A1CF: variants seen among roughly 807,000 people sequenced by gnomAD.
The protein encoded by A1CF is APOBEC-1 stimulating protein.
A neutral mutation model predicts 68.9 loss-of-function variants in A1CF; 48 were observed. The observed-to-expected ratio is 0.70, with a 90% CI of 0.55 to 0.89. The LOEUF is 0.89. Among genes scored for constraint, A1CF ranks in the 40% least tolerant of loss-of-function variants. The pLI, the probability that A1CF is intolerant of heterozygous loss-of-function variation, is 0.00. For missense variants in A1CF, 653 were observed against 718.9 expected (o/e 0.91, Z 1.05); for synonymous variants, 272 against 260.4 (o/e 1.04, Z -0.43).
Position 50,820,533 on chromosome 10 carries a change from T to A in A1CF, c.867+19A>T. 6.2e-7 allele frequency: 1 copy of A among 1,608,994 alleles called. No homozygotes were observed. The highest frequency in any genetic ancestry group is 8.5e-7 in the Non-Finnish European group (1 of 1,176,934). Reference sequence around the variant, plus strand: ...AACTTGGATGTAATCTGCATATTTTTTTCTTTCTTCTACCTTACCTTGCCA... The same window carrying A: ...AACTTGGATGTAATCTGCATATTTTATTCTTTCTTCTACCTTACCTTGCCA... On this transcript the variant is annotated intron_variant, in intron 8 of 12. Coordinates refer to ENST00000373997, the MANE Select transcript of A1CF (RefSeq NM_014576.4).
At chr10:50,865,277 ACTG>A (rs1014766788) in intron 1 of A1CF, among the ~76,000 whole-genome samples, 2 of 149,726 alleles carry the variant, frequency 1.3e-5, no homozygotes, top group Admixed American at 6.7e-5. Context: ...TCCTACTACT[ACTG>A]CTGCTGCTGC....
chr10:50,846,182 T>G (rs1231105911), intron 3 of A1CF, among the ~76,000 whole-genome samples: 1 of 152,190 alleles, frequency 6.6e-6, no homozygotes, highest in Non-Finnish European at 1.5e-5. Context: ...GTGATGGGTA[T>G]ACGAAATCGT....
intron 3 of A1CF, among the ~76,000 whole-genome samples, chr10:50,850,108 T>C (rs571033178): frequency 1.3e-5 from 2 of 152,346 alleles, no homozygotes; most frequent in East Asian, 3.9e-4. Context: ...CTTTCATTTA[T>C]TGGTTTCACT....
intron 3 of A1CF, among the ~76,000 whole-genome samples, chr10:50,854,926 C>A (rs959181104): frequency 1.3e-5 from 2 of 151,708 alleles, no homozygotes; most frequent in African/African-American, 4.8e-5. Flanking sequence ...ATAAACAAAG[C>A]TAATACACAC....
chr10:50,843,855 G>T, intron 4 of A1CF, 133 bp downstream of exon 4: 1 of 1,109,570 alleles, frequency 9.0e-7, no homozygotes, highest in Non-Finnish European at 1.3e-6. Flanking sequence ...TAGAAACTTT[G>T]TCTATAATTG....
intron 1 of A1CF, among the ~76,000 whole-genome samples, chr10:50,865,296 TTACTAC>T (rs34019432): frequency 1.3e-5 from 2 of 151,202 alleles, no homozygotes; most frequent in African/African-American, 2.4e-5. Flanking sequence ...GCTGCTGCTA[TTACTAC>T]TACTACTACT....
intron 2 of A1CF, among the ~76,000 whole-genome samples, chr10:50,862,190 A>G (rs970553807): frequency 6.6e-6 from 1 of 151,924 alleles, no homozygotes; most frequent in Non-Finnish European, 1.5e-5. Context: ...ACATGGTGAA[A>G]CCCTGTCTCT....
chr10:50,825,808 G>T (rs549618006), intron 7 of A1CF, among the ~76,000 whole-genome samples: 1 of 152,150 alleles, frequency 6.6e-6, no homozygotes, highest in African/African-American at 2.4e-5. Flanking sequence ...AGTTTCCTAG[G>T]ATTGTCACCT....
chr10:50,871,260 A>G (rs1266518210), intron 1 of A1CF, among the ~76,000 whole-genome samples: 4 of 151,912 alleles, frequency 2.6e-5, no homozygotes, highest in Non-Finnish European at 5.9e-5. Context: ...TTTAATAGAA[A>G]TAACAAGTGA....
Position 50,813,944 on chromosome 10 carries a change from G to A in A1CF, c.1236C>T (p.Asp412=). Reference sequence around the variant, plus strand: ...TCCCAGGTAAAATGTCATAGAGTTTGTCTTCTCTTTTGTCTCCTTTGACCT... The same window carrying A: ...TCCCAGGTAAAATGTCATAGAGTTTATCTTCTCTTTTGTCTCCTTTGACCT... The part of the protein sequence containing the change: ...GYQVKGDKRE[D]KLYDILPGME... The change falls in exon 10 of 13, where the codon GAC becomes GAT. Residue 412 remains aspartate (D), a synonymous_variant. Coordinates refer to ENST00000373997, the MANE Select transcript of A1CF (RefSeq NM_014576.4). The A allele has an allele frequency of 2.5e-6, 4 of 1,613,912 alleles. No homozygotes were observed. Among genetic ancestry groups the A allele is most frequent in the Non-Finnish European group, 3.4e-6 (4 of 1,179,868 alleles).
chr10:50,819,648 A>C (rs900462165), intron 8 of A1CF, among the ~76,000 whole-genome samples: 1 of 152,136 alleles, frequency 6.6e-6, no homozygotes, highest in Non-Finnish European at 1.5e-5. Flanking sequence ...ACACAGTCCC[A>C]CGTGCATTAT....
intron 1 of A1CF, among the ~76,000 whole-genome samples, chr10:50,882,309 G>A (rs1203361274): frequency 1.3e-5 from 2 of 151,960 alleles, no homozygotes; most frequent in Non-Finnish European, 2.9e-5. Flanking sequence ...GGTGGCGTGT[G>A]CCTGTAATCC....
chr10:50,823,913 G>A (rs1304754442), intron 7 of A1CF: 2 of 152,060 alleles, frequency 1.3e-5, no homozygotes, highest in Non-Finnish European at 2.9e-5. Flanking sequence ...GGAATTTTTA[G>A]AGTCATTTTT....
At chr10:50,831,689 T>C (rs1839250057) in intron 6 of A1CF, among the ~76,000 whole-genome samples, 1 of 152,124 alleles carries the variant, frequency 6.6e-6, no homozygotes, top group Non-Finnish European at 1.5e-5. Context: ...GATCATGCCA[T>C]TGCACTCTAG....
chr10:50,870,803 T>C (rs1042407248), intron 1 of A1CF, among the ~76,000 whole-genome samples: 3 of 151,544 alleles, frequency 2.0e-5, no homozygotes, highest in Non-Finnish European at 4.4e-5. Flanking sequence ...TAGAGAAAAA[T>C]ATACTACAAA....
chr10:50,864,832 G>T (rs1334807674), intron 1 of A1CF, among the ~76,000 whole-genome samples: 1 of 152,064 alleles, frequency 6.6e-6, no homozygotes, highest in East Asian at 1.9e-4. Context: ...TGGTCAGGCT[G>T]GTCTCGACCT....
intron 10 of A1CF, among the ~76,000 whole-genome samples, chr10:50,812,233 T>C (rs1008633260): frequency 6.6e-6 from 1 of 152,204 alleles, no homozygotes; most frequent in Admixed American, 6.5e-5. Context: ...TGAGCAAACC[T>C]GGGCGGAAGG....
At chr10:50,812,573 T>C (rs903155115) in intron 10 of A1CF, among the ~76,000 whole-genome samples, 5 of 152,248 alleles carry the variant, frequency 3.3e-5, no homozygotes, top group African/African-American at 1.2e-4. Flanking sequence ...TTTATTTTCT[T>C]AAAATATTTC....
At chr10:50,849,347 G>A (rs1470874043) in intron 3 of A1CF, among the ~76,000 whole-genome samples, 1 of 152,058 alleles carries the variant, frequency 6.6e-6, no homozygotes, top group Non-Finnish European at 1.5e-5. Context: ...AATTTATTTG[G>A]CTTAATATAC....
Sources: allele counts gnomAD v4.1 joint callset (sites outside exome capture counted in the v4.1 genomes callset), GRCh38; gene constraint gnomAD v4.1.1; transcripts MANE v1.5; gene names NCBI Gene and HGNC (gene_info 2026-07-23, HGNC 2026-07-21).